DDX60: variants seen among roughly 807,000 people sequenced by gnomAD.
DDX60 encodes DExD/H-box helicase 60, also known as probable ATP-dependent RNA helicase DDX60.
DDX60 carries 165 observed loss-of-function variants against 212.8 expected under a neutral mutation model. The observed-to-expected ratio is 0.78, with a 90% CI of 0.68 to 0.88. The LOEUF (loss-of-function observed/expected upper bound fraction) is 0.88, where lower values mean the gene tolerates loss of function less well. Ranked by LOEUF, DDX60 falls within the 40% of genes least tolerant of loss-of-function variation. DDX60 has a pLI of 0.00. For synonymous variants in DDX60, 703 were observed against 685.3 expected (o/e 1.03, Z -0.40); for missense variants, 1,905 against 2,003.9 (o/e 0.95, Z 0.94).
intron 1 of DDX60, among the ~76,000 whole-genome samples, chr4:168,312,823 A>G (rs17611618): frequency 0.039 from 5,966 of 152,214 alleles, 161 homozygotes; most frequent in Non-Finnish European, 0.059. Flanking sequence ...GATATTAAAT[A>G]TTACAATAAT....
chr4:168,229,993 G>T (rs1164787661), intron 33 of DDX60, among the ~76,000 whole-genome samples: 1 of 151,908 alleles, frequency 6.6e-6, no homozygotes, highest in African/African-American at 2.4e-5. Context: ...AACACATAAG[G>T]ACTCACATAA....
In DDX60 at chr4:168,251,026, T is replaced by A; in HGVS notation, c.3786A>T (p.Gly1262=). The change falls in exon 28 of 38, where the codon GGA becomes GGT. Residue 1262 remains glycine (G), a synonymous_variant. Coordinates refer to ENST00000393743, the MANE Select transcript of DDX60 (RefSeq NM_017631.6). ...TGAAACTCATAGCACTGTGATGATA[T>A]CCAATACCCCTTTCTGCCAAGGCTT... ...ELKALAERGI[G]YHHSAMSFKE... 1 of 1,612,582 alleles carries A rather than the reference T, an allele frequency of 6.2e-7. No individual in the cohort carries two copies. Among genetic ancestry groups the A allele is most frequent in the Non-Finnish European group, 8.5e-7 (1 of 1,178,848 alleles).
At chr4:168,246,233 G>A (rs1734016701) in intron 30 of DDX60, among the ~76,000 whole-genome samples, 185 bp downstream of exon 30, 1 of 152,014 alleles carries the variant, frequency 6.6e-6, no homozygotes, top group East Asian at 1.9e-4. Flanking sequence ...GTCTGATGGT[G>A]GAAACAAACA....
chr4:168,322,122 A>G (rs6843318), upstream of DDX60, among the ~76,000 whole-genome samples: 18,975 of 152,140 alleles, frequency 0.12, 2,110 homozygotes, highest in African/African-American at 0.31. Context: ...GACAAATCCA[A>G]ACAATGCTTG....
At chr4:168,269,876 T>C (rs1483015043) in intron 19 of DDX60, among the ~76,000 whole-genome samples, 2 of 152,156 alleles carry the variant, frequency 1.3e-5, no homozygotes, top group East Asian at 3.9e-4. Context: ...CTTAAAATAC[T>C]CTTACCCTCT....
rs1011489975 is a variant in DDX60, at chr4:168,287,306, C to G, written c.1184-103G>C. ...AATTCATGGAATTCTGAAATACTTT[C>G]CACATAGTGAAATTTTTAGTGAGTT... On this transcript the variant is annotated intron_variant, in intron 9 of 37. Coordinates refer to ENST00000393743, the MANE Select transcript of DDX60 (RefSeq NM_017631.6). The G allele has an allele frequency of 9.8e-6, 11 of 1,125,692 alleles. No homozygotes were observed. The Admixed American group carries it at 2.7e-4, about 27-fold the overall frequency. The allele number at this position is 1,125,692 out of a possible 1,614,324, so 69.7% of individuals were successfully genotyped here. A position where few individuals can be genotyped will look rare whatever the true frequency, so the allele number is the denominator to read the frequency against.
At chr4:168,319,033 T>C (rs1737534790), upstream of DDX60, among the ~76,000 whole-genome samples, 1 of 152,166 alleles carries the variant, frequency 6.6e-6, no homozygotes, top group South Asian at 2.1e-4. Context: ...TATTTCAAAA[T>C]AGCTAGAAGA....
chr4:168,291,947 G>A, intron 7 of DDX60, 41 bp from the exon 8 acceptor site: 3 of 1,465,626 alleles, frequency 2.0e-6, no homozygotes, highest in Non-Finnish European at 2.7e-6. Context: ...GAACAGCAGG[G>A]TGTGACATTG....
At position 168,250,952 on chromosome 4, in the gene DDX60, A is replaced by C. The variant is rs1560827615; in HGVS notation, c.3858+2T>G. ...TTTTTAGAATGAAGAAAATTCACCT[A>C]CCCTAAGATATCCTTTTCTAAAGAG... On this transcript the variant is annotated splice_donor_variant, in intron 28 of 37. Coordinates refer to ENST00000393743, the MANE Select transcript of DDX60 (RefSeq NM_017631.6). LOFTEE classifies it high-confidence loss of function. 6.3e-7 allele frequency: 1 copy of C among 1,583,292 alleles called. No individual in the cohort carries two copies. Among genetic ancestry groups the C allele is most frequent in the Non-Finnish European group, 8.6e-7 (1 of 1,164,764 alleles).
At chr4:168,221,129 A>T (rs1048187338) in intron 36 of DDX60, among the ~76,000 whole-genome samples, 1 of 152,156 alleles carries the variant, frequency 6.6e-6, no homozygotes, top group Non-Finnish European at 1.5e-5. Flanking sequence ...AGATATTTTA[A>T]TACCTTCATT....
At chr4:168,218,250 G>C (rs1388357418) in intron 37 of DDX60, among the ~76,000 whole-genome samples, 3 of 152,036 alleles carry the variant, frequency 2.0e-5, no homozygotes, top group South Asian at 2.1e-4. Flanking sequence ...ATTTCCTCCT[G>C]ATTGATATCT....
intron 22 of DDX60, 71 bp downstream of exon 22, chr4:168,267,511 G>A: frequency 1.6e-6 from 1 of 627,834 alleles, no homozygotes; most frequent in East Asian, 3.3e-5. Context: ...TATCAATTAG[G>A]CAGCATTTAT....
At chr4:168,279,292 G>C (rs1164356977) in intron 14 of DDX60, among the ~76,000 whole-genome samples, 1 of 152,204 alleles carries the variant, frequency 6.6e-6, no homozygotes, top group Admixed American at 6.5e-5. Context: ...TGGAATACTA[G>C]ACAATGCACC....
rs1264870743 is a variant in DDX60 at position 168,267,853 on chromosome 4, T to C, written c.2917A>G (p.Lys973Glu). The change falls in exon 21 of 38, where the codon AAA (lysine) becomes GAA (glutamate). Residue 973 changes from lysine to glutamate, a missense_variant. By Grantham distance (56) the Lys-to-Glu change is moderately conservative. Transcript: ENST00000393743. The part of the protein sequence containing the change: ...KDYLQVKQSY[K>E]VRLVLYGERY... ...ATATCAAACATACCAAGTCTAACTT[T>C]ATACGATTGTTTTACTTGCAAGTAG... 3.7e-6 allele frequency: 6 copies of C among 1,611,206 alleles called. No individual in the cohort carries two copies. The highest frequency in any genetic ancestry group is 5.1e-6 in the Non-Finnish European group (6 of 1,178,748).
intron 5 of DDX60, among the ~76,000 whole-genome samples, chr4:168,303,191 G>A (rs1314799508): frequency 2.0e-5 from 3 of 151,626 alleles, no homozygotes; most frequent in South Asian, 4.2e-4. Flanking sequence ...AGTCCCAGCT[G>A]CTCAGGAGGC....
intron 8 of DDX60, among the ~76,000 whole-genome samples, chr4:168,289,052 T>C (rs895948661): frequency 6.6e-6 from 1 of 152,074 alleles, no homozygotes; most frequent in Non-Finnish European, 1.5e-5. Context: ...CTGGACAGAG[T>C]GAAGTCAGAT....
chr4:168,217,236 T>C (rs1268232480), intron 37 of DDX60, among the ~76,000 whole-genome samples: 1 of 152,190 alleles, frequency 6.6e-6, no homozygotes, highest in Non-Finnish European at 1.5e-5. Context: ...AACAACCCCA[T>C]GCAATTCTTC....
chr4:168,325,199 A>C, the DDX60 span, among the ~76,000 whole-genome samples: 1 of 152,208 alleles, frequency 6.6e-6, no homozygotes, highest in Non-Finnish European at 1.5e-5. Flanking sequence ...CACTGTTACC[A>C]TATTGTTTTA....
chr4:168,244,764 AG>A (rs1416022506), intron 30 of DDX60, among the ~76,000 whole-genome samples: 2 of 152,184 alleles, frequency 1.3e-5, no homozygotes, highest in Admixed American at 6.5e-5. Flanking sequence ...AAAGAATTTC[AG>A]GAAAACAAAA....
Sources: allele counts gnomAD v4.1 joint callset (sites outside exome capture counted in the v4.1 genomes callset), GRCh38; gene constraint gnomAD v4.1.1; transcripts MANE v1.5; gene names NCBI Gene and HGNC (gene_info 2026-07-23, HGNC 2026-07-21).